ATAT1: variants seen among roughly 807,000 people sequenced by gnomAD.
The protein encoded by ATAT1 is alpha-tubulin N-acetyltransferase 1.
In ATAT1, 42 loss-of-function variants were observed where a neutral mutation model predicts 57.2. That is an observed-to-expected ratio of 0.73 (90% confidence interval 0.57 to 0.95). The LOEUF is 0.95. Ranked by LOEUF, ATAT1 falls within the 40% of genes least tolerant of loss-of-function variation. The pLI is 0.00. For missense variants in ATAT1, 454 were observed against 523.7 expected (o/e 0.87, Z 1.30); for synonymous variants, 168 against 187.1 (o/e 0.90, Z 0.83).
chr6:30,643,823 G>C, intron 10 of ATAT1: 1 of 1,321,356 alleles, frequency 7.6e-7, no homozygotes, highest in Non-Finnish European at 9.7e-7. Context: ...AGTCTGATCT[G>C]TTGCCAGACT....
At chr6:30,642,370 T>TG in intron 9 of ATAT1, 123 bp downstream of exon 9, 3 of 1,357,036 alleles carry the variant, frequency 2.2e-6, no homozygotes, top group Non-Finnish European at 3.1e-6. Context: ...GGGCTGGGCA[T>TG]GGTGGCTCAT....
In ATAT1 at chr6:30,645,448, A is replaced by C. The variant is rs376149254; in HGVS notation, c.933-447A>C. Reference sequence around the variant, plus strand: ...CCAGGTTGGTCTCGATCTCCTGATCACGTGATCTGCCCGTCTTGGCCTCCC... The same window carrying C: ...CCAGGTTGGTCTCGATCTCCTGATCCCGTGATCTGCCCGTCTTGGCCTCCC... On this transcript the variant is annotated intron_variant, in intron 10 of 12. Coordinates refer to ENST00000330083, the MANE Select transcript of ATAT1 (RefSeq NM_001031722.4). 1.6e-4 allele frequency among the ~76,000 whole-genome samples: 25 copies of C among 152,198 alleles called. 3 individuals are homozygous for C. Among genetic ancestry groups the C allele is most frequent in the East Asian group, 1.2e-3 (6 of 5,176 alleles).
At chr6:30,640,251 T>C (rs1765120535) in intron 6 of ATAT1, 126 bp from the exon 7 acceptor site, 1 of 976,620 alleles carries the variant, frequency 1.0e-6, no homozygotes, top group Non-Finnish European at 1.6e-6. Flanking sequence ...TAGGCTATAG[T>C]GTCTAGGTTT....
intron 6 of ATAT1, among the ~76,000 whole-genome samples, chr6:30,632,364 G>A (rs1763087504): frequency 6.6e-6 from 1 of 151,494 alleles, no homozygotes; most frequent in Non-Finnish European, 1.5e-5. Context: ...CACAAGGTCA[G>A]GAGTTCGAGA....
In ATAT1 at chr6:30,627,661, C is replaced by G. The variant is rs545041013; in HGVS notation, c.158C>G (p.Thr53Ser). Residue 53 changes from threonine to serine, a missense_variant, in exon 3 of 13, where the codon ACT becomes AGT. Thr to Ser is a moderately conservative substitution (Grantham distance 58). Transcript: ENST00000330083. ...GCCCAGAATCTTTCCGCTCCTATCACTAGTGCATCAAGGATGCAGAGTAAC... is the reference window on the plus strand; with the variant it reads ...GCCCAGAATCTTTCCGCTCCTATCAGTAGTGCATCAAGGATGCAGAGTAAC... 1 of 1,612,914 alleles carries G rather than the reference C, an allele frequency of 6.2e-7. No homozygotes were observed. The highest frequency in any genetic ancestry group is 1.3e-5 in the African/African-American group (1 of 74,900).
intron 10 of ATAT1, chr6:30,643,870 C>A: frequency 7.9e-7 from 1 of 1,273,464 alleles, no homozygotes; most frequent in South Asian, 2.7e-5. Context: ...TCTAGAGAAG[C>A]ACACTCTTGC....
rs1254102558 is a variant in ATAT1, at chr6:30,627,098, G to A, written c.-106G>A. 3.8e-6 allele frequency: 6 copies of A among 1,566,146 alleles called. No homozygotes were observed. The African/African-American group carries it at 8.1e-5, about 21-fold the overall frequency. On this transcript the variant is annotated 5_prime_UTR_variant, in exon 1 of 13. Coordinates refer to ENST00000330083, the MANE Select transcript of ATAT1 (RefSeq NM_001031722.4). ...CTGACTAGTGATCGCCCCTTTTGATGTCCAGGCCTGCCTTTTTGGTGACCT... is the reference window on the plus strand; with the variant it reads ...CTGACTAGTGATCGCCCCTTTTGATATCCAGGCCTGCCTTTTTGGTGACCT...
chr6:30,642,838 C>CAACCCAACAA lies in ATAT1; in HGVS notation c.759_760insAACCCAACAA (p.Pro254AsnfsTer49). 1 of 599,414 alleles carries CAACCCAACAA rather than the reference C, an allele frequency of 1.7e-6. No individual in the cohort carries two copies. Among genetic ancestry groups the CAACCCAACAA allele is most frequent in the African/African-American group, 2.1e-5 (1 of 48,444 alleles). 37.1% of individuals were successfully genotyped at this position (599,414 alleles called of 1,614,324 possible). A position where few individuals can be genotyped will look rare whatever the true frequency, so the allele number is the denominator to read the frequency against. On this transcript the variant is annotated frameshift_variant, in exon 10 of 13. Transcript: ENST00000330083. LOFTEE classifies it high-confidence loss of function. ...CTCGCCGCGCCACACCTCCAGCCCA[C>CAACCCAACAA]CCACCCCCCCGCTCCAGCAGCCTGG...
chr6:30,646,422 C>T (rs1224128155), intron 12 of ATAT1, 47 bp from the exon 13 acceptor site: 9 of 1,488,434 alleles, frequency 6.0e-6, no homozygotes, highest in African/African-American at 1.4e-5. Flanking sequence ...ATCTTAATTT[C>T]CTCTTTAGTA....
chr6:30,628,805 A>C (rs1762213765), intron 6 of ATAT1, among the ~76,000 whole-genome samples: 3 of 151,728 alleles, frequency 2.0e-5, no homozygotes. Context: ...GAGTTACACC[A>C]TACTGGCCAG....
chr6:30,626,925 CGGATCACGGTGCT>C lies in ATAT1; in HGVS notation c.-275_-263del. On this transcript the variant is annotated 5_prime_UTR_variant, in exon 1 of 13. Coordinates refer to ENST00000330083, the MANE Select transcript of ATAT1 (RefSeq NM_001031722.4). ...CGATGTGGACGCGCTGTTCCCGGAG[CGGATCACGGTGCT>C]GGACCAGCACCTGAGGCCCCCAGCC... The C allele has an allele frequency of 6.2e-7, 1 of 1,609,546 alleles. No homozygotes were observed. The highest frequency in any genetic ancestry group is 8.5e-7 in the Non-Finnish European group (1 of 1,178,730).
At chr6:30,629,335 C>T (rs891375570) in intron 6 of ATAT1, among the ~76,000 whole-genome samples, 5 of 151,560 alleles carry the variant, frequency 3.3e-5, no homozygotes, top group Admixed American at 6.6e-5. Context: ...CCTCTGCCTC[C>T]GGGGTTCAAG....
intron 6 of ATAT1, among the ~76,000 whole-genome samples, chr6:30,629,244 C>CT (rs111725584): frequency 0.069 from 9,453 of 137,248 alleles, 532 homozygotes; most frequent in African/African-American, 0.15. Context: ...CCTAATTTTT[C>CT]TTTTTTTTTT....
At position 30,627,020 on chromosome 6, in the gene ATAT1, C is replaced by A; in HGVS notation, c.-184C>A. 1 of 1,563,608 alleles carries A rather than the reference C, an allele frequency of 6.4e-7. No homozygotes were observed. The highest frequency in any genetic ancestry group is 8.7e-7 in the Non-Finnish European group (1 of 1,152,284). On this transcript the variant is annotated 5_prime_UTR_variant, in exon 1 of 13. Transcript: ENST00000330083. ...GACAGCTCAAACCCACCCTCTGGCC[C>A]TTTTCTCCCGGTTCCTCTCCAAACC...
chr6:30,639,005 G>T (rs916376446), intron 6 of ATAT1, among the ~76,000 whole-genome samples: 1 of 152,050 alleles, frequency 6.6e-6, no homozygotes, highest in Non-Finnish European at 1.5e-5. Context: ...CTTTGAGACG[G>T]AGTCTCATTC....
At chr6:30,643,107 A>G (rs1765875053) in intron 10 of ATAT1, 96 bp downstream of exon 10, 3 of 1,517,032 alleles carry the variant, frequency 2.0e-6, no homozygotes, top group Admixed American at 2.2e-5. Flanking sequence ...AGATGGATCA[A>G]TAAGATGGGT....
At chr6:30,632,940 C>CGAA (rs1763236074) in intron 6 of ATAT1, among the ~76,000 whole-genome samples, 1 of 127,236 alleles carries the variant, frequency 7.9e-6, no homozygotes, top group African/African-American at 2.9e-5. Flanking sequence ...GACCCCATAT[C>CGAA]AAAAAAAAAA....
At position 30,630,159 on chromosome 6, in the gene ATAT1, A is replaced by C. The variant is rs560808212; in HGVS notation, c.501+1729A>C. 5.9e-5 allele frequency among the ~76,000 whole-genome samples: 9 copies of C among 152,320 alleles called. No individual in the cohort carries two copies. In the East Asian group the frequency reaches 1.5e-3, roughly 26 times the overall value. ...TAGCGAAACTCTGTCTCTACAAAAAATACAAAAAAAAATTAGCCAGGCGTG... is the reference window on the plus strand; with the variant it reads ...TAGCGAAACTCTGTCTCTACAAAAACTACAAAAAAAAATTAGCCAGGCGTG... On this transcript the variant is annotated intron_variant, in intron 6 of 12. Transcript: ENST00000330083.
chr6:30,634,324 C>T (rs557986906), intron 6 of ATAT1, among the ~76,000 whole-genome samples: 1 of 151,988 alleles, frequency 6.6e-6, no homozygotes, highest in South Asian at 2.1e-4. Flanking sequence ...GATCTTGGCT[C>T]ACCGCAAGCT....
Sources: gnomAD v4.1 joint callset for allele counts (sites outside exome capture counted in the v4.1 genomes callset) on GRCh38, gnomAD v4.1.1 for gene constraint, MANE v1.5 for transcripts, NCBI Gene and HGNC (gene_info 2026-07-23, HGNC 2026-07-21) for gene names.